GMEB1: variants seen among roughly 807,000 people sequenced by gnomAD.
GMEB1 encodes the protein glucocorticoid modulatory element-binding protein 1.
A neutral mutation model predicts 52.4 loss-of-function variants in GMEB1; 6 were observed. That is an observed-to-expected ratio of 0.11 (90% CI 0.06 to 0.23). GMEB1 has a LOEUF of 0.23. GMEB1 is among the 10% of genes least tolerant of loss of function. GMEB1 has a pLI of 1.00. For synonymous variants in GMEB1, 255 were observed against 244.9 expected (o/e 1.04, Z -0.38); for missense variants, 486 against 685.6 (o/e 0.71, Z 3.25).
At position 28,718,065 on chromosome 1, in the gene GMEB1, G is replaced by A. The variant is rs1671317739; in HGVS notation, c.*3292G>A. The stretch of plus-strand genomic sequence containing the variant: ...GTTGTTGAATGTAGGTTCCCTTACA[G>A]CCCTGGTCTAGATGATCCTAGATGG... On this transcript the variant is annotated 3_prime_UTR_variant, in exon 10 of 10. Transcript: ENST00000373816. 2.6e-5 allele frequency: 4 copies of A among 152,212 alleles called. No homozygotes were observed. Among genetic ancestry groups the A allele is most frequent in the South Asian group, 2.1e-4 (1 of 4,834 alleles). The allele number at this position is 152,212 out of a possible 1,614,324, so 9.4% of individuals were successfully genotyped here.
intron 2 of GMEB1, among the ~76,000 whole-genome samples, chr1:28,684,540 G>T (rs555693765): frequency 1.4e-5 from 2 of 146,368 alleles, no homozygotes; most frequent in African/African-American, 5.0e-5. Flanking sequence ...TCCAGTCTGG[G>T]CGACAGAGCG....
intron 6 of GMEB1, among the ~76,000 whole-genome samples, chr1:28,700,255 G>C (rs1362303199): frequency 6.6e-6 from 1 of 151,608 alleles, no homozygotes; most frequent in Non-Finnish European, 1.5e-5. Context: ...GCTCACACCT[G>C]TAATCCCAGC....
chr1:28,688,389 A>G (rs1396356498), intron 2 of GMEB1, among the ~76,000 whole-genome samples: 1 of 152,210 alleles, frequency 6.6e-6, no homozygotes, highest in African/African-American at 2.4e-5. Context: ...CTGTGGAGGT[A>G]GTCATTGATA....
chr1:28,679,504 G>T (rs992665459), intron 1 of GMEB1, among the ~76,000 whole-genome samples: 1 of 152,052 alleles, frequency 6.6e-6, no homozygotes, highest in Non-Finnish European at 1.5e-5. Context: ...GCTTCAAGTT[G>T]CAGGAGTTCA....
chr1:28,684,762 G>C (rs1669561225), intron 2 of GMEB1, among the ~76,000 whole-genome samples: 1 of 151,946 alleles, frequency 6.6e-6, no homozygotes, highest in African/African-American at 2.4e-5. Flanking sequence ...TGATGAGAGG[G>C]AACCTAGAGG....
intron 8 of GMEB1, among the ~76,000 whole-genome samples, chr1:28,709,963 G>A (rs1162329430): frequency 2.6e-5 from 4 of 151,972 alleles, no homozygotes; most frequent in East Asian, 1.9e-4. Flanking sequence ...CCTGGCCAAT[G>A]TGGTGAAACC....
intron 6 of GMEB1, 41 bp downstream of exon 6, chr1:28,697,125 C>G: frequency 7.5e-7 from 1 of 1,329,648 alleles, no homozygotes; most frequent in Non-Finnish European, 1.0e-6. Context: ...TTGTGTTTTT[C>G]AGCAGAACTT....
At position 28,696,986 on chromosome 1, in the gene GMEB1, C is replaced by T; in HGVS notation, c.500C>T (p.Thr167Ile). The change falls in exon 6 of 10, where the codon ACC becomes ATC. Residue 167 changes from threonine (T) to isoleucine (I), a missense_variant. By Grantham distance (89) the Thr-to-Ile change is moderately conservative. Coordinates refer to ENST00000373816, the MANE Select transcript of GMEB1 (RefSeq NM_001319674.2). ...FYQHDKVCSNTCRSTKFDLLI... is the reference protein window; with the variant it reads ...FYQHDKVCSNICRSTKFDLLI... Reference sequence around the variant, plus strand: ...CAACATGACAAAGTTTGCTCCAATACCTGCAGAAGCACCAAATTTGATCTT... The same window carrying T: ...CAACATGACAAAGTTTGCTCCAATATCTGCAGAAGCACCAAATTTGATCTT... 2 of 1,610,254 alleles carry T rather than the reference C, an allele frequency of 1.2e-6. No individual in the cohort carries two copies. The highest frequency in any genetic ancestry group is 1.7e-6 in the Non-Finnish European group (2 of 1,177,922).
chr1:28,673,242 A>T (rs749361187), intron 1 of GMEB1, among the ~76,000 whole-genome samples: 1 of 148,520 alleles, frequency 6.7e-6, no homozygotes, highest in Non-Finnish European at 1.5e-5. Flanking sequence ...CCCTGCAATC[A>T]TGTGACACTT....
chr1:28,715,211 T>C lies in GMEB1; in HGVS notation c.*438T>C. Reference sequence around the variant, plus strand: ...CTGAAGGGCACTTTATTTTGTATCCTGAAAAGGGCCTACAGAGGCCAGTAC... The same window carrying C: ...CTGAAGGGCACTTTATTTTGTATCCCGAAAAGGGCCTACAGAGGCCAGTAC... On this transcript the variant is annotated 3_prime_UTR_variant, in exon 10 of 10. Transcript: ENST00000373816. The C allele has an allele frequency of 5.9e-6, 1 of 169,006 alleles. No homozygotes were observed. The highest frequency in any genetic ancestry group is 1.3e-5 in the Non-Finnish European group (1 of 76,784). The allele number at this position is 169,006 out of a possible 1,614,324, so 10.5% of individuals were successfully genotyped here.
chr1:28,708,515 G>A (rs550251948), intron 8 of GMEB1, among the ~76,000 whole-genome samples: 2 of 152,036 alleles, frequency 1.3e-5, no homozygotes, highest in South Asian at 2.1e-4. Flanking sequence ...AGGCTGGAGT[G>A]CAGTGGTGCA....
chr1:28,706,054 T>C (rs1249276778), intron 8 of GMEB1, among the ~76,000 whole-genome samples: 1 of 151,780 alleles, frequency 6.6e-6, no homozygotes, highest in Non-Finnish European at 1.5e-5. Context: ...CTTGAGAGGC[T>C]GAGGCAGGAG....
chr1:28,684,477 G>C (rs1248047414), intron 2 of GMEB1, among the ~76,000 whole-genome samples: 1 of 151,550 alleles, frequency 6.6e-6, no homozygotes, highest in Admixed American at 6.6e-5. Context: ...GCAGGAGAAC[G>C]GCGTGAACCC....
rs1671342132 is a variant in GMEB1 at position 28,719,156 on chromosome 1, C to T, written c.*4383C>T. 1 of 152,204 alleles carries T rather than the reference C, an allele frequency of 6.6e-6. No homozygotes were observed. Among genetic ancestry groups the T allele is most frequent in the African/African-American group, 2.4e-5 (1 of 41,424 alleles). The allele number at this position is 152,204 out of a possible 1,614,324, so 9.4% of individuals were successfully genotyped here. On this transcript the variant is annotated 3_prime_UTR_variant, in exon 10 of 10. Coordinates refer to ENST00000373816, the MANE Select transcript of GMEB1 (RefSeq NM_001319674.2). ...AGTCTAGCTGGCAAAGGGTAAATGC[C>T]CCCAAAGCCTTCCTGCCATATGGTT...
intron 9 of GMEB1, 27 bp downstream of exon 9, chr1:28,710,669 G>A (rs776804192): frequency 1.6e-4 from 229 of 1,464,118 alleles, no homozygotes; most frequent in Non-Finnish European, 1.9e-4. Context: ...GCTCTTCTTC[G>A]GTGATATCAT....
At chr1:28,695,301 C>T (rs1177663984) in intron 5 of GMEB1, among the ~76,000 whole-genome samples, 5 of 151,546 alleles carry the variant, frequency 3.3e-5, no homozygotes, top group East Asian at 3.9e-4. Flanking sequence ...GGCGTGATCT[C>T]GGCTCACTGC....
At chr1:28,706,484 A>C (rs1238824285) in intron 8 of GMEB1, among the ~76,000 whole-genome samples, 5 of 151,634 alleles carry the variant, frequency 3.3e-5, no homozygotes, top group Admixed American at 2.6e-4. Context: ...GGTGCCTGTA[A>C]TCCCAGCTAC....
chr1:28,707,391 A>T (rs1219677725), intron 8 of GMEB1, among the ~76,000 whole-genome samples: 1 of 152,008 alleles, frequency 6.6e-6, no homozygotes, highest in Non-Finnish European at 1.5e-5. Context: ...TAGAAACAAG[A>T]CCAGTTGGGA....
At chr1:28,693,643 G>T (rs1670066646) in intron 5 of GMEB1, among the ~76,000 whole-genome samples, 1 of 151,984 alleles carries the variant, frequency 6.6e-6, no homozygotes, top group South Asian at 2.1e-4. Context: ...AGTAGAGACG[G>T]GGTTTCACCA....
Sources: allele counts gnomAD v4.1 joint callset (sites outside exome capture counted in the v4.1 genomes callset), GRCh38; gene constraint gnomAD v4.1.1; transcripts MANE v1.5; gene names NCBI Gene and HGNC (gene_info 2026-07-23, HGNC 2026-07-21).